Variants in PLAC1 observed in about 807,000 individuals in gnomAD.
PLAC1 encodes the protein placenta associated 1, also known as placenta-specific protein 1.
For synonymous variants in PLAC1, 68 were observed against 62.1 expected, an observed-to-expected ratio of 1.09 and a Z score of -0.44; for missense variants, 136 against 163.2, an observed-to-expected ratio of 0.83 and a Z score of 0.91.
intron 1 of PLAC1, among the ~76,000 whole-genome samples, chrX:134,636,828 C>T (rs2078285570): frequency 8.9e-6 from 1 of 112,134 alleles, no homozygotes; most frequent in South Asian, 3.7e-4. Flanking sequence ...TGCAATCAGA[C>T]TAAATGATGT....
In PLAC1 at chrX:134,730,848, C is replaced by T. The variant is rs1453159483; in HGVS notation, n.174+2587G>A. 2.7e-5 allele frequency among the ~76,000 whole-genome samples: 3 copies of T among 111,590 alleles called. No individual in the cohort carries two copies. In the East Asian group the frequency reaches 8.5e-4, roughly 31 times the overall value. On this transcript the variant is annotated intron_variant and non_coding_transcript_variant, in intron 2 of 2. Transcript: ENST00000466797. ...GGGGGCGAGGAAAGGATGGAGCCGC[C>T]TCTTGGTATGGAAGTTGCAGCTGAA...
rs1172169446 is a variant in PLAC1, at chrX:134,649,751, G to A, written c.-131+8577C>T. 3.6e-5 allele frequency among the ~76,000 whole-genome samples: 4 copies of A among 112,211 alleles called. No homozygotes were observed. In the Admixed American group the frequency reaches 3.8e-4, roughly 11 times the overall value. On this transcript the variant is annotated intron_variant, in intron 1 of 2. Coordinates refer to ENST00000359237, the MANE Select transcript of PLAC1 (RefSeq NM_021796.4). ...AGGCAAACATGTGTTAAATAACATG[G>A]CAGATAAGAAGTGCTGGGCCTCAGA...
At chrX:134,657,269 C>A (rs1242982425) in intron 1 of PLAC1, among the ~76,000 whole-genome samples, 1 of 112,401 alleles carries the variant, frequency 8.9e-6, no homozygotes, top group African/African-American at 3.2e-5. Flanking sequence ...CATCACAAAT[C>A]AAAAATATCA....
intron 2 of PLAC1, among the ~76,000 whole-genome samples, chrX:134,598,917 T>C (rs2078075060): frequency 9.0e-6 from 1 of 111,711 alleles, no homozygotes; most frequent in Non-Finnish European, 1.9e-5. Context: ...TTGGAATATT[T>C]GGAGCTGAAG....
chrX:134,633,596 T>G (rs2078271499), intron 1 of PLAC1, among the ~76,000 whole-genome samples: 1 of 111,790 alleles, frequency 8.9e-6, no homozygotes, highest in South Asian at 3.8e-4. Flanking sequence ...GAAATAAGGT[T>G]GCCAGCAAAT....
intron 1 of PLAC1, among the ~76,000 whole-genome samples, chrX:134,615,984 T>C (rs908660135): frequency 2.7e-5 from 3 of 110,677 alleles, no homozygotes; most frequent in Middle Eastern, 9.3e-3. Context: ...AGATTTTTAA[T>C]ATAATTTTTT....
chrX:134,574,956 A>G (rs1306637860), intron 2 of PLAC1, among the ~76,000 whole-genome samples: 1 of 111,709 alleles, frequency 9.0e-6, no homozygotes, highest in Non-Finnish European at 1.9e-5. Flanking sequence ...CAGGCTGGAT[A>G]TCTGTTCCTC....
chrX:134,645,673 G>C (rs2078329554), intron 1 of PLAC1, among the ~76,000 whole-genome samples: 1 of 111,963 alleles, frequency 8.9e-6, no homozygotes, highest in Non-Finnish European at 1.9e-5. Flanking sequence ...GGCCCACGAT[G>C]TACAGTTGAT....
intron 1 of PLAC1, among the ~76,000 whole-genome samples, chrX:134,756,445 A>T (rs1345084656): frequency 9.1e-6 from 1 of 110,118 alleles, no homozygotes; most frequent in African/African-American, 3.3e-5. Context: ...TCTAGGGTAC[A>T]ATGTGAAGTA....
chrX:134,711,132 C>T (rs774965372), intron 2 of PLAC1, among the ~76,000 whole-genome samples: 77 of 111,846 alleles, frequency 6.9e-4, no homozygotes, highest in African/African-American at 2.5e-3. Flanking sequence ...CAAAGGGCAT[C>T]ATTTTCCTCC....
At chrX:134,661,615 C>A (rs750436187), upstream of PLAC1, among the ~76,000 whole-genome samples, 24 of 112,230 alleles carry the variant, frequency 2.1e-4, no homozygotes, top group African/African-American at 7.4e-4. Context: ...GGTCAGGAAG[C>A]AGTTGAGAAT....
chrX:134,636,311 T>C (rs1208160326), intron 1 of PLAC1, among the ~76,000 whole-genome samples: 1 of 112,317 alleles, frequency 8.9e-6, no homozygotes, highest in Non-Finnish European at 1.9e-5. Flanking sequence ...ATCCTGAAAG[T>C]GTTTCTACTG....
chrX:134,616,878 C>A (rs1355804699), intron 1 of PLAC1, among the ~76,000 whole-genome samples: 1 of 108,858 alleles, frequency 9.2e-6, no homozygotes, highest in East Asian at 3.0e-4. Context: ...TTAGTTCAAG[C>A]TATTCTCCTG....
chrX:134,659,168 T>A (rs1455732874), upstream of PLAC1, among the ~76,000 whole-genome samples: 1 of 109,442 alleles, frequency 9.1e-6, no homozygotes, highest in South Asian at 4.0e-4. Flanking sequence ...TTTACTTACA[T>A]AACAAACCTG....
chrX:134,738,981 A>T (rs933939605), intron 1 of PLAC1, among the ~76,000 whole-genome samples: 1 of 112,669 alleles, frequency 8.9e-6, no homozygotes, highest in African/African-American at 3.2e-5. Flanking sequence ...GGTAATCTAT[A>T]TGAGGAATTC....
At chrX:134,618,799 T>C (rs2078197440) in intron 1 of PLAC1, among the ~76,000 whole-genome samples, 1 of 111,804 alleles carries the variant, frequency 8.9e-6, no homozygotes, top group Admixed American at 9.5e-5. Context: ...AGAGATTAAG[T>C]GACTTTCCCA....
chrX:134,613,873 C>A (rs1307121296), intron 1 of PLAC1, among the ~76,000 whole-genome samples: 1 of 111,037 alleles, frequency 9.0e-6, no homozygotes, highest in African/African-American at 3.3e-5. Context: ...TACCTCACAG[C>A]CCCTCACCGC....
chrX:134,574,120 A>G (rs2077925460), intron 2 of PLAC1, among the ~76,000 whole-genome samples: 1 of 108,803 alleles, frequency 9.2e-6, no homozygotes, highest in Non-Finnish European at 1.9e-5. Flanking sequence ...ACACACAGTG[A>G]TGGAGAGACA....
At chrX:134,707,611 T>C (rs775518477) in intron 2 of PLAC1, among the ~76,000 whole-genome samples, 5 of 112,101 alleles carry the variant, frequency 4.5e-5, no homozygotes, top group South Asian at 7.4e-4. Flanking sequence ...GATAGCAAAC[T>C]AACATTTAAA....
Sources: gnomAD v4.1 joint callset for allele counts (sites outside exome capture counted in the v4.1 genomes callset) on GRCh38, gnomAD v4.1.1 for gene constraint, MANE v1.5 for transcripts, NCBI Gene and HGNC (gene_info 2026-07-23, HGNC 2026-07-21) for gene names.